DIAPH2: variants seen among roughly 807,000 people sequenced by gnomAD.
The protein encoded by DIAPH2 is protein diaphanous homolog 2.
In DIAPH2, 35 loss-of-function variants were observed where a neutral mutation model predicts 92.7. That is an observed-to-expected ratio of 0.38 (90% CI 0.29 to 0.50). The LOEUF (loss-of-function observed/expected upper bound fraction) is 0.50. DIAPH2 is among the 20% of genes least tolerant of loss of function. DIAPH2 has a pLI of 0.94. For synonymous variants in DIAPH2, 301 were observed against 280.4 expected (o/e 1.07, Z -0.73); for missense variants, 701 against 819.5 (o/e 0.86, Z 1.77).
chrX:96,689,988 C>CTT (rs367914441), intron 1 of DIAPH2, among the ~76,000 whole-genome samples: 1 of 100,671 alleles, frequency 9.9e-6, no homozygotes, highest in African/African-American at 3.6e-5. Context: ...TTGTATGTGC[C>CTT]TTTTTTTTTT....
At chrX:97,082,879 A>G (rs1334574290) in intron 19 of DIAPH2, among the ~76,000 whole-genome samples, 1 of 111,771 alleles carries the variant, frequency 8.9e-6, no homozygotes, top group Non-Finnish European at 1.9e-5. Flanking sequence ...GAGATAGAGA[A>G]CAATCATGAT....
chrX:97,173,592 C>T (rs946719955), intron 22 of DIAPH2, among the ~76,000 whole-genome samples: 4 of 110,502 alleles, frequency 3.6e-5, no homozygotes, highest in Non-Finnish European at 3.8e-5. Context: ...ATAAGTGTTC[C>T]GCTTAGGAGT....
At chrX:97,243,797 G>A (rs2068118187) in intron 22 of DIAPH2, among the ~76,000 whole-genome samples, 1 of 111,320 alleles carries the variant, frequency 9.0e-6, no homozygotes, top group Non-Finnish European at 1.9e-5. Flanking sequence ...TAATTGGTAT[G>A]GTAACTTCAA....
At chrX:97,571,664 C>T (rs1229554061) in intron 26 of DIAPH2, among the ~76,000 whole-genome samples, 3 of 109,877 alleles carry the variant, frequency 2.7e-5, no homozygotes, top group Non-Finnish European at 3.8e-5. Flanking sequence ...TTCATCTTTC[C>T]GTTTTTGCTT....
chrX:97,141,781 A>C lies in DIAPH2; in HGVS notation c.2706A>C (p.Glu902Asp). The C allele has an allele frequency of 8.3e-7, 1 of 1,203,697 alleles. No individual in the cohort carries two copies. ...LKFPEELEHV[E>D]SASKVSAQIL... ...TTCCTGAAGAACTGGAACACGTAGA[A>C]AGTGCAAGCAAAGGTAATTGATTTA... Residue 902 changes from glutamate to aspartate, a missense_variant, in exon 22 of 27, where the codon GAA (glutamate) becomes GAC (aspartate). Coordinates refer to ENST00000324765, the MANE Select transcript of DIAPH2 (RefSeq NM_006729.5).
chrX:96,922,776 G>A (rs1256021068), intron 9 of DIAPH2, among the ~76,000 whole-genome samples: 8 of 111,521 alleles, frequency 7.2e-5, no homozygotes, highest in South Asian at 3.8e-4. Flanking sequence ...TTTATCATGC[G>A]GAACACTTTG....
At chrX:97,137,820 A>G (rs767906856) in intron 21 of DIAPH2, among the ~76,000 whole-genome samples, 3 of 112,005 alleles carry the variant, frequency 2.7e-5, no homozygotes, top group Non-Finnish European at 5.6e-5. Context: ...TTTCCAGCAG[A>G]TGACAGGAGC....
At chrX:96,839,116 GA>G (rs2064918709) in intron 4 of DIAPH2, among the ~76,000 whole-genome samples, 2 of 111,246 alleles carry the variant, frequency 1.8e-5, no homozygotes, top group African/African-American at 3.3e-5. Flanking sequence ...GGATTTATGA[GA>G]AAAAAATGTT....
At chrX:96,884,438 T>A (rs774803428) in intron 5 of DIAPH2, 1 of 1,211,092 alleles carries the variant, frequency 8.3e-7, no homozygotes, top group Admixed American at 2.2e-5. Context: ...AAGGTCCGAA[T>A]TCAGGACGTT....
At chrX:97,088,366 G>A (rs1381296906) in intron 19 of DIAPH2, among the ~76,000 whole-genome samples, 1 of 112,044 alleles carries the variant, frequency 8.9e-6, no homozygotes, top group African/African-American at 3.2e-5. Context: ...TTTCTACTGT[G>A]TTATTCTTAA....
At chrX:97,142,632 T>G (rs2147410947) in intron 22 of DIAPH2, among the ~76,000 whole-genome samples, 1 of 111,766 alleles carries the variant, frequency 8.9e-6, no homozygotes, top group Admixed American at 9.5e-5. Flanking sequence ...GGTAATTAGC[T>G]TTGTCAGTAA....
intron 22 of DIAPH2, among the ~76,000 whole-genome samples, chrX:97,178,228 G>C (rs1317819602): frequency 9.1e-6 from 1 of 110,024 alleles, no homozygotes; most frequent in East Asian, 2.8e-4. Flanking sequence ...GATAGAACAA[G>C]ACCCTGTCTC....
At chrX:97,098,156 TTATGTTCTGTG>T (rs1357124405) in intron 19 of DIAPH2, among the ~76,000 whole-genome samples, 7 of 111,715 alleles carry the variant, frequency 6.3e-5, no homozygotes, top group African/African-American at 2.3e-4. Flanking sequence ...TCCATGAGAC[TTATGTTCTGTG>T]TACCCTACCC....
At chrX:97,318,391 C>A (rs1431123566) in intron 23 of DIAPH2, among the ~76,000 whole-genome samples, 1 of 109,194 alleles carries the variant, frequency 9.2e-6, no homozygotes, top group Admixed American at 9.9e-5. Flanking sequence ...CCAGCCTCGG[C>A]CTCTCAAAGT....
chrX:97,382,681 CA>C (rs1274003984), intron 24 of DIAPH2, among the ~76,000 whole-genome samples: 5 of 111,039 alleles, frequency 4.5e-5, no homozygotes, highest in African/African-American at 1.6e-4. Flanking sequence ...TCTAAGAGCA[CA>C]AAAACAATGA....
At chrX:96,807,008 T>C (rs776579284) in intron 4 of DIAPH2, among the ~76,000 whole-genome samples, 6 of 112,124 alleles carry the variant, frequency 5.4e-5, no homozygotes, top group African/African-American at 1.9e-4. Flanking sequence ...TCCTGAAGTG[T>C]AGGGATTACA....
intron 26 of DIAPH2, among the ~76,000 whole-genome samples, chrX:97,560,641 C>T (rs906356774): frequency 1.8e-5 from 2 of 111,548 alleles, no homozygotes; most frequent in African/African-American, 6.5e-5. Flanking sequence ...TACAGGCACC[C>T]GCTACCAGGC....
rs972457741 is a variant in DIAPH2 at position 97,296,927 on chromosome X, G to A, written c.2844+49088G>A. Among the ~76,000 whole-genome samples, 5 of 109,816 alleles carry A rather than the reference G, an allele frequency of 4.6e-5. No homozygotes were observed. The East Asian group carries it at 1.4e-3, about 31-fold the overall frequency. On this transcript the variant is annotated intron_variant, in intron 23 of 26. Transcript: ENST00000324765. ...CAAGTAGCTGGGATTACAGGCATGC[G>A]CCACCACGCCCGGCTAATTTTGTAT...
At chrX:96,899,335 G>C (rs991357322) in intron 5 of DIAPH2, among the ~76,000 whole-genome samples, 40 of 110,080 alleles carry the variant, frequency 3.6e-4, no homozygotes, top group African/African-American at 1.3e-3. Context: ...CCATTTTCAC[G>C]ATACTGATTC....
Sources: gnomAD v4.1 joint callset for allele counts (sites outside exome capture counted in the v4.1 genomes callset) on GRCh38, gnomAD v4.1.1 for gene constraint, MANE v1.5 for transcripts, NCBI Gene and HGNC (gene_info 2026-07-23, HGNC 2026-07-21) for gene names.